The following CERS6 variants were observed in gnomAD, a reference collection of about 807,000 sequenced individuals.
The protein encoded by CERS6 is ceramide synthase 6.
Under a neutral mutation model 56.8 loss-of-function variants are expected in CERS6, and 26 were observed. The ratio of observed to expected loss-of-function variants is 0.46; its 90% CI spans 0.34 to 0.63. CERS6 has a LOEUF of 0.63. Ranked by LOEUF, CERS6 falls within the 30% of genes least tolerant of loss-of-function variation. CERS6 has a pLI of 0.01. For synonymous variants in CERS6, 164 were observed against 173.3 expected (o/e 0.95, Z 0.42); for missense variants, 415 against 467.5 (o/e 0.89, Z 1.04).
intron 2 of CERS6, among the ~76,000 whole-genome samples, chr2:168,553,217 A>G (rs1013417781): frequency 1.3e-5 from 2 of 152,188 alleles, no homozygotes; most frequent in Admixed American, 1.3e-4. Flanking sequence ...AAAGAGCTAC[A>G]AAATGGATAT....
chr2:168,589,311 A>T (rs181267136), intron 3 of CERS6, among the ~76,000 whole-genome samples: 164 of 152,038 alleles, frequency 1.1e-3, no homozygotes, highest in African/African-American at 3.7e-3. Flanking sequence ...AGTTTATTTC[A>T]TCTGTTAAAT....
intron 3 of CERS6, among the ~76,000 whole-genome samples, chr2:168,565,647 A>G (rs571960342): frequency 4.6e-5 from 7 of 152,366 alleles, no homozygotes; most frequent in East Asian, 1.9e-4. Flanking sequence ...ATCTGCAGGC[A>G]TGTCCAATTT....
intron 1 of CERS6, among the ~76,000 whole-genome samples, chr2:168,493,922 GAA>G (rs1377147756): frequency 2.0e-5 from 3 of 151,968 alleles, no homozygotes; most frequent in Non-Finnish European, 4.4e-5. Context: ...CGATCTAGGA[GAA>G]AGTTTTTTCT....
chr2:168,611,185 T>C (rs1684180597), intron 3 of CERS6, among the ~76,000 whole-genome samples: 1 of 152,182 alleles, frequency 6.6e-6, no homozygotes, highest in South Asian at 2.1e-4. Context: ...ATTTTCAGCT[T>C]TCTGTGAAAA....
intron 8 of CERS6, among the ~76,000 whole-genome samples, chr2:168,750,524 C>T (rs1454299952): frequency 6.6e-6 from 1 of 152,154 alleles, no homozygotes; most frequent in Non-Finnish European, 1.5e-5. Flanking sequence ...GCTTTTATAA[C>T]TGCTTTTCTA....
intron 1 of CERS6, among the ~76,000 whole-genome samples, chr2:168,493,852 A>G (rs1694416411): frequency 6.7e-6 from 1 of 148,336 alleles, no homozygotes; most frequent in South Asian, 2.1e-4. Context: ...ATACATTAAT[A>G]TATCAATATA....
intron 5 of CERS6, among the ~76,000 whole-genome samples, chr2:168,694,395 ATC>A (rs1310791552): frequency 2.0e-5 from 3 of 152,182 alleles, no homozygotes; most frequent in African/African-American, 4.8e-5. Context: ...CTAGTCTGGT[ATC>A]TCCTGGCAGC....
chr2:168,483,286 T>G (rs1201218045), intron 1 of CERS6, among the ~76,000 whole-genome samples: 1 of 151,978 alleles, frequency 6.6e-6, no homozygotes, highest in South Asian at 2.1e-4. Flanking sequence ...CATAGCTATT[T>G]TTTTTTTTTC....
intron 1 of CERS6, among the ~76,000 whole-genome samples, chr2:168,476,910 T>TGG (rs1694082039): frequency 6.6e-6 from 1 of 152,126 alleles, no homozygotes; most frequent in Admixed American, 6.5e-5. Context: ...AAAATAATGC[T>TGG]TTACCAGTTC....
At chr2:168,517,632 T>C (rs1694907796) in intron 1 of CERS6, among the ~76,000 whole-genome samples, 1 of 152,054 alleles carries the variant, frequency 6.6e-6, no homozygotes, top group African/African-American at 2.4e-5. Flanking sequence ...CTTTAATGCC[T>C]CTTGGTTTTG....
chr2:168,625,192 A>G (rs986607089), intron 3 of CERS6, among the ~76,000 whole-genome samples: 21 of 152,328 alleles, frequency 1.4e-4, no homozygotes, highest in African/African-American at 4.6e-4. Flanking sequence ...TTCAGAATCA[A>G]AAGAACCATA....
intron 1 of CERS6, among the ~76,000 whole-genome samples, chr2:168,471,850 T>G (rs999877525): frequency 6.6e-6 from 1 of 152,168 alleles, no homozygotes; most frequent in Non-Finnish European, 1.5e-5. Context: ...ACTGCCAAAG[T>G]AAGTAAATAG....
At chr2:168,477,058 G>C (rs1452911133) in intron 1 of CERS6, among the ~76,000 whole-genome samples, 1 of 151,960 alleles carries the variant, frequency 6.6e-6, no homozygotes, top group East Asian at 1.9e-4. Context: ...TAAGATCAAG[G>C]CACCAGCAGA....
intron 8 of CERS6, among the ~76,000 whole-genome samples, chr2:168,763,384 A>G (rs924916758): frequency 2.0e-5 from 3 of 151,668 alleles, no homozygotes; most frequent in East Asian, 1.9e-4. Context: ...TGGGACTACA[A>G]CAGGCACACA....
rs1684828101 is a variant in CERS6 at position 168,770,156 on chromosome 2, A to G, written c.*494A>G. 3 of 160,068 alleles carry G rather than the reference A, an allele frequency of 1.9e-5. No homozygotes were observed. The highest frequency in any genetic ancestry group is 4.1e-5 in the Non-Finnish European group (3 of 73,786). 9.9% of individuals were successfully genotyped at this position (160,068 alleles called of 1,614,324 possible). On this transcript the variant is annotated 3_prime_UTR_variant, in exon 10 of 10. Transcript: ENST00000305747. ...TTTTAGTTACAGTGCCCATTTTGAA[A>G]TTGCCTATACAGTCTTAGTGACCAT... is the stretch of plus-strand genomic sequence containing the variant.
intron 3 of CERS6, among the ~76,000 whole-genome samples, chr2:168,612,391 G>A (rs913168579): frequency 6.6e-6 from 1 of 152,144 alleles, no homozygotes; most frequent in Admixed American, 6.5e-5. Flanking sequence ...ATATCTTATG[G>A]GGATAAACAC....
intron 4 of CERS6, among the ~76,000 whole-genome samples, chr2:168,678,677 G>A (rs1020057912): frequency 6.6e-6 from 1 of 152,106 alleles, no homozygotes; most frequent in Non-Finnish European, 1.5e-5. Flanking sequence ...AGAAGCCCTC[G>A]TAAAAATCCC....
At chr2:168,661,450 C>T (rs61487873) in intron 4 of CERS6, among the ~76,000 whole-genome samples, 7,246 of 152,206 alleles carry the variant, frequency 0.048, 442 homozygotes, top group African/African-American at 0.14. Flanking sequence ...AGGAGCACAG[C>T]GATTCACATA....
intron 8 of CERS6, among the ~76,000 whole-genome samples, chr2:168,739,939 A>G (rs1027205165): frequency 6.6e-6 from 1 of 151,998 alleles, no homozygotes; most frequent in African/African-American, 2.4e-5. Flanking sequence ...CGAACTCCTG[A>G]CCTCAGGTGA....
Sources: gnomAD v4.1 joint callset for allele counts (sites outside exome capture counted in the v4.1 genomes callset) on GRCh38, gnomAD v4.1.1 for gene constraint, MANE v1.5 for transcripts, NCBI Gene and HGNC (gene_info 2026-07-23, HGNC 2026-07-21) for gene names.